The following ANXA11 variants were observed in gnomAD, a reference collection of about 807,000 sequenced individuals.
ANXA11 encodes the protein annexin A11.
A neutral mutation model predicts 64.7 loss-of-function variants in ANXA11; 57 were observed. The ratio of observed to expected loss-of-function variants is 0.88; its 90% CI spans 0.71 to 1.10. ANXA11 has a LOEUF of 1.10. Ranked by LOEUF, ANXA11 falls within the 50% of genes least tolerant of loss-of-function variation. ANXA11 has a pLI of 0.00. For missense variants in ANXA11, 675 were observed against 670.7 expected, an observed-to-expected ratio of 1.01 and a Z score of -0.07; for synonymous variants, 260 against 265.2, an observed-to-expected ratio of 0.98 and a Z score of 0.19.
chr10:80,182,205 CG>C (rs1343392169), intron 1 of ANXA11, among the ~76,000 whole-genome samples: 1 of 144,624 alleles, frequency 6.9e-6, no homozygotes, highest in Non-Finnish European at 1.5e-5. Context: ...GTGCTAATGG[CG>C]GGGGGTGCAA....
At chr10:80,167,961 AG>A (rs1361111836) in intron 5 of ANXA11, among the ~76,000 whole-genome samples, 2 of 152,152 alleles carry the variant, frequency 1.3e-5, no homozygotes, top group African/African-American at 4.8e-5. Context: ...CACAATTAAG[AG>A]GGCAGCTCAG....
rs1363518578 is a variant in ANXA11 at position 80,189,529 on chromosome 10, C to CA, written c.-57-13375dup. Among the ~76,000 whole-genome samples, 6 of 152,332 alleles carry CA rather than the reference C, an allele frequency of 3.9e-5. No homozygotes were observed. In the East Asian group the frequency reaches 1.2e-3, roughly 29 times the overall value. ...ACGATCCAGCAATCTCACTCCTGGG[C>CA]ATACAGGCCGAGTACCTCTCATTCA... On this transcript the variant is annotated intron_variant, in intron 1 of 15. Transcript: ENST00000422982.
At position 80,166,039 on chromosome 10, in the gene ANXA11, C is replaced by CGCGT. The variant is rs1554831684; in HGVS notation, c.858+44_858+45insACGC. On this transcript the variant is annotated intron_variant, in intron 8 of 15. Coordinates refer to ENST00000422982, the MANE Select transcript of ANXA11 (RefSeq NM_145868.2). ...ACGCATGCGCGCGTGCGCACACACG[C>CGCGT]GCGCACACACACACACACACACACA... 1,369 of 1,095,814 alleles carry CGCGT rather than the reference C, an allele frequency of 1.2e-3. 7 individuals are homozygous for CGCGT. The highest frequency in any genetic ancestry group is 0.012 in the African/African-American group (495 of 42,604). 67.9% of individuals were successfully genotyped at this position (1,095,814 alleles called of 1,614,324 possible).
At chr10:80,163,760 C>T in intron 9 of ANXA11, 147 bp from the exon 10 acceptor site, 1 of 764,502 alleles carries the variant, frequency 1.3e-6, no homozygotes, top group Non-Finnish European at 2.1e-6. Flanking sequence ...ATATGGCCCT[C>T]CAGGGATATA....
intron 1 of ANXA11, among the ~76,000 whole-genome samples, chr10:80,203,696 G>A (rs988300044): frequency 5.3e-5 from 8 of 152,178 alleles, no homozygotes. Context: ...AACCGAGTCA[G>A]TGCCAGAAGG....
At chr10:80,162,837 A>C (rs1845569338) in intron 11 of ANXA11, among the ~76,000 whole-genome samples, 2 of 152,220 alleles carry the variant, frequency 1.3e-5, no homozygotes, top group African/African-American at 2.4e-5. Context: ...GAAATTCATT[A>C]GTGGGAAACC....
chr10:80,203,740 T>C (rs1488545036), intron 1 of ANXA11, among the ~76,000 whole-genome samples: 2 of 152,204 alleles, frequency 1.3e-5, no homozygotes, highest in Non-Finnish European at 2.9e-5. Flanking sequence ...CCGTCCCTCC[T>C]GCTGGGAGCA....
At chr10:80,203,677 A>G (rs1840545462) in intron 1 of ANXA11, among the ~76,000 whole-genome samples, 1 of 152,074 alleles carries the variant, frequency 6.6e-6, no homozygotes, top group African/African-American at 2.4e-5. Flanking sequence ...ATGCAAGGCG[A>G]GAGATGAGAA....
rs1029764731 is a variant in ANXA11, at chr10:80,162,119, T to C, written c.1087-91A>G. 7 of 1,132,666 alleles carry C rather than the reference T, an allele frequency of 6.2e-6. No individual in the cohort carries two copies. The African/African-American group carries it at 7.6e-5, about 12-fold the overall frequency. The allele number at this position is 1,132,666 out of a possible 1,614,324, so 70.2% of individuals were successfully genotyped here. A position where few individuals can be genotyped will look rare whatever the true frequency, so the allele number is the denominator to read the frequency against. On this transcript the variant is annotated intron_variant, in intron 11 of 15. Coordinates refer to ENST00000422982, the MANE Select transcript of ANXA11 (RefSeq NM_145868.2). ...GGAGAGCCTGGTAAACTTCTGAAGG[T>C]TTGAGCCTAAAGTATTTGCCAATTT...
At chr10:80,186,349 C>T (rs1392437211) in intron 1 of ANXA11, among the ~76,000 whole-genome samples, 2 of 151,976 alleles carry the variant, frequency 1.3e-5, no homozygotes, top group Non-Finnish European at 1.5e-5. Context: ...GGCAGTGTGA[C>T]AGGTGGAGGA....
rs1386902594 is a variant in ANXA11 at position 80,152,459 on chromosome 10, G to C, written c.*3394C>G. 9 of 152,632 alleles carry C rather than the reference G, an allele frequency of 5.9e-5. No homozygotes were observed. The highest frequency in any genetic ancestry group is 1.9e-4 in the East Asian group (1 of 5,192). 9.5% of individuals were successfully genotyped at this position (152,632 alleles called of 1,614,324 possible). Reference sequence around the variant, plus strand: ...ACCATGAGGGCAGCGAGAGGAACAGGAAGGCAGGGAGAAACAGGACTAGGA... The same window carrying C: ...ACCATGAGGGCAGCGAGAGGAACAGCAAGGCAGGGAGAAACAGGACTAGGA... On this transcript the variant is annotated 3_prime_UTR_variant, in exon 16 of 16. Coordinates refer to ENST00000422982, the MANE Select transcript of ANXA11 (RefSeq NM_145868.2).
At chr10:80,201,115 C>T (rs1449992025) in intron 1 of ANXA11, among the ~76,000 whole-genome samples, 2 of 152,168 alleles carry the variant, frequency 1.3e-5, no homozygotes, top group Admixed American at 6.5e-5. Flanking sequence ...ATCCTCACGT[C>T]CTGCTACTCC....
chr10:80,186,474 G>T (rs891844367), intron 1 of ANXA11, among the ~76,000 whole-genome samples: 1 of 152,164 alleles, frequency 6.6e-6, no homozygotes, highest in Admixed American at 6.5e-5. Flanking sequence ...GTGCCTGGGT[G>T]TATGGGGGCC....
intron 1 of ANXA11, among the ~76,000 whole-genome samples, chr10:80,179,453 G>A (rs1023650856): frequency 1.4e-4 from 22 of 152,274 alleles, no homozygotes; most frequent in African/African-American, 4.8e-4. Flanking sequence ...CTTTATAGTC[G>A]TGTGAGAATG....
intron 12 of ANXA11, among the ~76,000 whole-genome samples, chr10:80,160,230 C>A (rs1283748907): frequency 6.6e-6 from 1 of 152,230 alleles, no homozygotes; most frequent in Non-Finnish European, 1.5e-5. Context: ...GCTTGATGCA[C>A]TACTTACATG....
At position 80,199,097 on chromosome 10, in the gene ANXA11, T is replaced by G. The variant is rs573028499; in HGVS notation, c.-58+6246A>C. Reference sequence around the variant, plus strand: ...GAAGATTCCATCTTCAAGATAAACTTTTTTTTTTTTTTTTTTTGAGACCAA... The same window carrying G: ...GAAGATTCCATCTTCAAGATAAACTGTTTTTTTTTTTTTTTTTGAGACCAA... On this transcript the variant is annotated intron_variant, in intron 1 of 15. Coordinates refer to ENST00000422982, the MANE Select transcript of ANXA11 (RefSeq NM_145868.2). Among the ~76,000 whole-genome samples the G allele has an allele frequency of 2.5e-3, 314 of 125,736 alleles. 2 individuals carry two copies. Among genetic ancestry groups the G allele is most frequent in the African/African-American group, 8.0e-3 (292 of 36,372 alleles). The allele number at this position is 125,736 out of a possible 152,430, so 82.5% of individuals were successfully genotyped here.
chr10:80,163,723 G>T (rs1589420455), intron 9 of ANXA11, 110 bp from the exon 10 acceptor site: 1 of 1,042,464 alleles, frequency 9.6e-7, no homozygotes, highest in East Asian at 2.6e-5. Flanking sequence ...GGAGGTCTTG[G>T]CTCGGGCTCA....
At position 80,164,097 on chromosome 10, in the gene ANXA11, C is replaced by A. The variant is rs140133265; in HGVS notation, c.905G>T (p.Arg302Leu). 3.1e-6 allele frequency: 5 copies of A among 1,613,984 alleles called. No individual in the cohort carries two copies. Among genetic ancestry groups the A allele is most frequent in the South Asian group, 2.2e-5 (2 of 91,076 alleles). Reference protein sequence around the residue: ...EACLIEILASRSNEHIRELNR... With the variant: ...EACLIEILASLSNEHIRELNR... ...TAATTCTCGGATGTGCTCATTGCTG[C>A]GGGAAGCGAGGATCTCAATCAGGCA... The change falls in exon 9 of 16, where the codon CGC becomes CTC. Residue 302 changes from arginine (R) to leucine (L), a missense_variant. Arg to Leu is a moderately radical substitution (Grantham distance 102, BLOSUM62 -2). Coordinates refer to ENST00000422982, the MANE Select transcript of ANXA11 (RefSeq NM_145868.2).
intron 3 of ANXA11, among the ~76,000 whole-genome samples, chr10:80,172,041 C>T (rs1845995587): frequency 6.6e-6 from 1 of 152,170 alleles, no homozygotes; most frequent in Non-Finnish European, 1.5e-5. Flanking sequence ...CACAGGACCT[C>T]AGCTCCAAAG....
Sources: allele counts gnomAD v4.1 joint callset (sites outside exome capture counted in the v4.1 genomes callset), GRCh38; gene constraint gnomAD v4.1.1; transcripts MANE v1.5; gene names NCBI Gene and HGNC (gene_info 2026-07-23, HGNC 2026-07-21).